NTM: variants seen among roughly 807,000 people sequenced by gnomAD.
NTM encodes the protein neurotrimin.
NTM carries 13 observed loss-of-function variants against 42.1 expected under a neutral mutation model. That is an observed-to-expected ratio of 0.31 (90% CI 0.20 to 0.49). The LOEUF (loss-of-function observed/expected upper bound fraction) is 0.49. Ranked by LOEUF, NTM falls within the 20% of genes least tolerant of loss-of-function variation. NTM has a pLI of 0.99. For synonymous variants in NTM, 187 were observed against 179.2 expected, an observed-to-expected ratio of 1.04 and a Z score of -0.35; for missense variants, 373 against 452.8, an observed-to-expected ratio of 0.82 and a Z score of 1.60.
intron 1 of NTM, among the ~76,000 whole-genome samples, chr11:131,697,386 A>T (rs573719055): frequency 6.6e-6 from 1 of 152,336 alleles, no homozygotes; most frequent in East Asian, 1.9e-4. Flanking sequence ...ATTGTTTTAC[A>T]TATTGGCTGA....
At chr11:132,098,516 G>A (rs565237644) in intron 2 of NTM, among the ~76,000 whole-genome samples, 3 of 152,184 alleles carry the variant, frequency 2.0e-5, no homozygotes, top group East Asian at 3.9e-4. Flanking sequence ...CTTGAATGAC[G>A]AGACTAATGC....
At chr11:131,401,805 TA>T (rs1231183455) in intron 1 of NTM, among the ~76,000 whole-genome samples, 2 of 5,234 alleles carry the variant, frequency 3.8e-4, no homozygotes, top group Non-Finnish European at 6.9e-4. Flanking sequence ...TGGAAATATA[TA>T]TATATATATA....
Position 132,224,490 on chromosome 11 carries a change from C to A in NTM, c.526+12343C>A, listed in dbSNP as rs75539718. On this transcript the variant is annotated intron_variant, in intron 4 of 8. Coordinates refer to ENST00000683400, the MANE Select transcript of NTM (RefSeq NM_001352005.2). Reference sequence around the variant, plus strand: ...ATGCACATGCCTGTATGCACCCTGGCAATAAGAGATGAGGTGTGTTGGTGT... The same window carrying A: ...ATGCACATGCCTGTATGCACCCTGGAAATAAGAGATGAGGTGTGTTGGTGT... 7.9e-3 allele frequency among the ~76,000 whole-genome samples: 1,205 copies of A among 152,172 alleles called. 6 individuals carry two copies. Among genetic ancestry groups the A allele is most frequent in the Non-Finnish European group, 0.013 (851 of 68,002 alleles).
intron 1 of NTM, among the ~76,000 whole-genome samples, chr11:131,726,984 C>T (rs2079049717): frequency 6.6e-6 from 1 of 151,392 alleles, no homozygotes; most frequent in African/African-American, 2.5e-5. Flanking sequence ...CCACAGCACC[C>T]AGCCCATGCC....
chr11:131,994,146 C>A (rs939862461), intron 2 of NTM, among the ~76,000 whole-genome samples: 10 of 152,110 alleles, frequency 6.6e-5, no homozygotes, highest in African/African-American at 2.4e-4. Flanking sequence ...ACACTTGTTG[C>A]AAACATGCTC....
At chr11:132,158,686 C>A (rs1309645713) in intron 3 of NTM, among the ~76,000 whole-genome samples, 1 of 152,210 alleles carries the variant, frequency 6.6e-6, no homozygotes, top group East Asian at 1.9e-4. Flanking sequence ...ATCATATTTT[C>A]TCAGTGTTTG....
At chr11:131,805,531 T>TA (rs767606799) in intron 1 of NTM, among the ~76,000 whole-genome samples, 12 of 152,334 alleles carry the variant, frequency 7.9e-5, no homozygotes, top group Non-Finnish European at 1.6e-4. Context: ...CTTTATTCCT[T>TA]AATTTAAAAA....
intron 1 of NTM, among the ~76,000 whole-genome samples, chr11:131,705,987 A>G (rs1023231961): frequency 1.3e-5 from 2 of 152,118 alleles, no homozygotes; most frequent in African/African-American, 2.4e-5. Context: ...TTATCTATCA[A>G]TAATTACTTT....
At chr11:132,018,719 G>C (rs949224401) in intron 2 of NTM, among the ~76,000 whole-genome samples, 7 of 151,936 alleles carry the variant, frequency 4.6e-5, no homozygotes, top group Non-Finnish European at 7.4e-5. Context: ...AATATTGGAT[G>C]ACCCTAGACT....
At chr11:131,459,092 G>C (rs1421623943) in intron 1 of NTM, among the ~76,000 whole-genome samples, 5 of 152,246 alleles carry the variant, frequency 3.3e-5, no homozygotes, top group Non-Finnish European at 7.3e-5. Context: ...TCTCCATGCA[G>C]TTAAAATGCC....
At chr11:131,823,378 G>A (rs965039428) in intron 1 of NTM, among the ~76,000 whole-genome samples, 1 of 152,158 alleles carries the variant, frequency 6.6e-6, no homozygotes, top group Non-Finnish European at 1.5e-5. Flanking sequence ...GATGCAGTAG[G>A]TAAGCACGAA....
At chr11:131,584,418 CGGA>C (rs2058679553) in intron 1 of NTM, among the ~76,000 whole-genome samples, 1 of 152,002 alleles carries the variant, frequency 6.6e-6, no homozygotes, top group African/African-American at 2.4e-5. Flanking sequence ...GAGGCAGGGG[CGGA>C]GGCCATGAGA....
chr11:132,275,713 T>C lies in NTM; in HGVS notation c.527-31976T>C, dbSNP rs146493830. ...TTTTATATATATATGTATATATATA[T>C]GTATATATATACGTATATATACGTA... On this transcript the variant is annotated intron_variant, in intron 4 of 8. Transcript: ENST00000683400. Among the ~76,000 whole-genome samples the C allele has an allele frequency of 8.5e-3, 1,130 of 132,478 alleles. 18 individuals are homozygous for C. Among genetic ancestry groups the C allele is most frequent in the African/African-American group, 0.029 (1,006 of 35,222 alleles). The allele number at this position is 132,478 out of a possible 152,430, so 86.9% of individuals were successfully genotyped here. A position where few individuals can be genotyped will look rare whatever the true frequency, so the allele number is the denominator to read the frequency against.
At chr11:132,030,046 C>A (rs1481078015) in intron 2 of NTM, among the ~76,000 whole-genome samples, 2 of 151,984 alleles carry the variant, frequency 1.3e-5, no homozygotes, top group African/African-American at 4.8e-5. Flanking sequence ...TCTTATTGAG[C>A]AAAACATGGA....
intron 4 of NTM, among the ~76,000 whole-genome samples, chr11:132,276,958 G>A (rs542481916): frequency 6.6e-6 from 1 of 152,254 alleles, no homozygotes; most frequent in Admixed American, 6.5e-5. Flanking sequence ...ATTCCACTAT[G>A]TTGTTGCTAG....
chr11:131,491,806 A>C (rs77695597), intron 1 of NTM, among the ~76,000 whole-genome samples: 7,315 of 152,256 alleles, frequency 0.048, 566 homozygotes, highest in African/African-American at 0.17. Context: ...AGAGACACAT[A>C]TGGGAATGGT....
At chr11:131,465,897 C>A (rs1164176216) in intron 1 of NTM, among the ~76,000 whole-genome samples, 1 of 151,440 alleles carries the variant, frequency 6.6e-6, no homozygotes, top group African/African-American at 2.5e-5. Flanking sequence ...TCCAAAGCCA[C>A]AGCAGGGTAA....
chr11:132,072,848 C>G (rs536664457), intron 2 of NTM, among the ~76,000 whole-genome samples: 1 of 152,214 alleles, frequency 6.6e-6, no homozygotes, highest in South Asian at 2.1e-4. Context: ...TGTGGGGTTT[C>G]AGGGAGAGGG....
At chr11:131,884,666 C>A (rs1214899432) in intron 1 of NTM, among the ~76,000 whole-genome samples, 2 of 152,146 alleles carry the variant, frequency 1.3e-5, no homozygotes, top group African/African-American at 4.8e-5. Context: ...GGGGAAACAC[C>A]AAGAAGAGCA....
Sources: allele counts gnomAD v4.1 joint callset (sites outside exome capture counted in the v4.1 genomes callset), GRCh38; gene constraint gnomAD v4.1.1; transcripts MANE v1.5; gene names NCBI Gene and HGNC (gene_info 2026-07-23, HGNC 2026-07-21).